The following PKIB variants were observed in gnomAD, a reference collection of about 807,000 sequenced individuals.
The protein encoded by PKIB is cAMP-dependent protein kinase inhibitor beta.
A neutral mutation model predicts 4.5 loss-of-function variants in PKIB; 2 were observed. That is an observed-to-expected ratio of 0.44 (90% CI 0.18 to 1.39). The LOEUF is 1.39. Among genes scored for constraint, PKIB ranks in the 40% most tolerant of loss-of-function variants. The probability of loss-of-function intolerance (pLI) is 0.27; values close to 1 mark genes in which losing one functional copy is unlikely to be tolerated. For synonymous variants in PKIB, 38 were observed against 36.0 expected, an observed-to-expected ratio of 1.06 and a Z score of -0.20; for missense variants, 94 against 92.6, an observed-to-expected ratio of 1.02 and a Z score of -0.06.
At chr6:122,600,563 C>G (rs1278251806) in intron 3 of PKIB, among the ~76,000 whole-genome samples, 1 of 152,046 alleles carries the variant, frequency 6.6e-6, no homozygotes, top group Non-Finnish European at 1.5e-5. Context: ...ATAGAGTATT[C>G]AAAAAGTCAT....
chr6:122,619,924 A>G lies in PKIB; in HGVS notation c.-161+9389A>G, dbSNP rs556446610. Among the ~76,000 whole-genome samples, 7 of 152,264 alleles carry G rather than the reference A, an allele frequency of 4.6e-5. No individual in the cohort carries two copies. The East Asian group carries it at 1.4e-3, about 29-fold the overall frequency. On this transcript the variant is annotated intron_variant, in intron 1 of 4. Coordinates refer to ENST00000368452, the MANE Select transcript of PKIB (RefSeq NM_181795.3). ...CAATAATAATAAATTAATCTATATT[A>G]TTAACTTCCACCTTTTCCCTTAGCC...
At chr6:122,521,540 C>T (rs376295795) in intron 2 of PKIB, among the ~76,000 whole-genome samples, 18 of 151,748 alleles carry the variant, frequency 1.2e-4, no homozygotes, top group African/African-American at 2.9e-4. Flanking sequence ...ATTAGCTGGG[C>T]GTGGTGGTGG....
At chr6:122,653,734 G>C (rs753641916) in intron 2 of PKIB, among the ~76,000 whole-genome samples, 28 of 152,048 alleles carry the variant, frequency 1.8e-4, no homozygotes, top group Admixed American at 7.2e-4. Flanking sequence ...GTCGAGGCGG[G>C]CGGATCATTT....
At chr6:122,527,504 C>T (rs73547234) in intron 2 of PKIB, among the ~76,000 whole-genome samples, 2,120 of 152,056 alleles carry the variant, frequency 0.014, 56 homozygotes, top group African/African-American at 0.049. Flanking sequence ...GACCTAATTT[C>T]GTTATTTTTG....
chr6:122,561,964 T>G (rs1484049102), intron 2 of PKIB, among the ~76,000 whole-genome samples: 2 of 149,930 alleles, frequency 1.3e-5, no homozygotes, highest in African/African-American at 4.9e-5. Flanking sequence ...TGCTCTTTGT[T>G]GCCTGCATAG....
chr6:122,521,462 C>T lies in PKIB; in HGVS notation c.-248+43523C>T, dbSNP rs528646165. On this transcript the variant is annotated intron_variant, in intron 2 of 6. Coordinates refer to the PKIB transcript ENST00000392491. ...TTGGGAGGCTGAGGCAGGCAGATCA[C>T]GAGGTCAGGAGATCGAGACCATCCT... is the stretch of plus-strand genomic sequence containing the variant. Among the ~76,000 whole-genome samples, 33 of 152,118 alleles carry T rather than the reference C, an allele frequency of 2.2e-4. No homozygotes were observed. The East Asian group carries it at 3.9e-3, about 18-fold the overall frequency.
At chr6:122,626,630 A>T (rs1275696799) in intron 1 of PKIB, among the ~76,000 whole-genome samples, 3 of 152,230 alleles carry the variant, frequency 2.0e-5, no homozygotes, top group Non-Finnish European at 4.4e-5. Flanking sequence ...TGCATTCTGG[A>T]CAGATGAAGC....
intron 2 of PKIB, among the ~76,000 whole-genome samples, chr6:122,514,767 G>A (rs544568976): frequency 6.6e-6 from 1 of 152,224 alleles, no homozygotes; most frequent in East Asian, 1.9e-4. Context: ...ACCAGGGGAA[G>A]TGGAAAGGGG....
At chr6:122,522,594 G>C (rs1776978684) in intron 2 of PKIB, among the ~76,000 whole-genome samples, 1 of 152,204 alleles carries the variant, frequency 6.6e-6, no homozygotes, top group Admixed American at 6.5e-5. Flanking sequence ...GGGTTGCAAA[G>C]ACAGTGGGAA....
At chr6:122,531,799 G>C (rs1039284401) in intron 2 of PKIB, among the ~76,000 whole-genome samples, 5 of 152,152 alleles carry the variant, frequency 3.3e-5, no homozygotes, top group African/African-American at 9.7e-5. Context: ...ATTGCTTAAG[G>C]CTGGGAATTT....
chr6:122,557,541 T>C (rs1350709260), intron 2 of PKIB, among the ~76,000 whole-genome samples: 3 of 152,182 alleles, frequency 2.0e-5, no homozygotes, highest in Non-Finnish European at 4.4e-5. Context: ...GGCACACATG[T>C]GAAACAGCAG....
intron 2 of PKIB, among the ~76,000 whole-genome samples, chr6:122,528,877 TA>T (rs2114613161): frequency 6.6e-6 from 1 of 152,060 alleles, no homozygotes; most frequent in East Asian, 1.9e-4. Flanking sequence ...CTTATTTCTT[TA>T]AAAAAGAGAA....
intron 3 of PKIB, among the ~76,000 whole-genome samples, chr6:122,677,604 C>A (rs1008524898): frequency 6.6e-6 from 1 of 152,162 alleles, no homozygotes; most frequent in Non-Finnish European, 1.5e-5. Context: ...ATCCATATGT[C>A]AAGCCCATAA....
chr6:122,545,264 GA>G (rs1271583195), intron 2 of PKIB, among the ~76,000 whole-genome samples: 3 of 151,656 alleles, frequency 2.0e-5, no homozygotes, highest in Admixed American at 2.0e-4. Context: ...TGGACTGGAT[GA>G]AAAAAAATGT....
intron 2 of PKIB, among the ~76,000 whole-genome samples, chr6:122,541,056 T>C (rs1233890578): frequency 6.6e-6 from 1 of 151,554 alleles, no homozygotes; most frequent in Non-Finnish European, 1.5e-5. Context: ...TCCATCCTTT[T>C]ATTTTGAGCC....
chr6:122,472,672 C>T (rs1336064650), intron 1 of PKIB, among the ~76,000 whole-genome samples: 3 of 152,096 alleles, frequency 2.0e-5, no homozygotes, highest in African/African-American at 4.8e-5. Context: ...TTGCATGGGT[C>T]GAGGTGGGGT....
At chr6:122,685,485 G>T (rs889144840) in intron 3 of PKIB, among the ~76,000 whole-genome samples, 4 of 151,998 alleles carry the variant, frequency 2.6e-5, no homozygotes, top group Admixed American at 6.6e-5. Flanking sequence ...AACTGGGCTA[G>T]CTTTTTAAAA....
At chr6:122,562,256 T>C (rs1773058794) in intron 2 of PKIB, among the ~76,000 whole-genome samples, 1 of 151,862 alleles carries the variant, frequency 6.6e-6, no homozygotes, top group African/African-American at 2.4e-5. Context: ...CTGATAATTG[T>C]TTTGTTTGAG....
intron 3 of PKIB, among the ~76,000 whole-genome samples, chr6:122,696,451 A>C (rs546135629): frequency 2.0e-5 from 3 of 152,314 alleles, no homozygotes; most frequent in African/African-American, 7.2e-5. Flanking sequence ...GGAACATCCA[A>C]ATGTAAAGAG....
Sources: allele counts gnomAD v4.1 joint callset (sites outside exome capture counted in the v4.1 genomes callset), GRCh38; gene constraint gnomAD v4.1.1; transcripts MANE v1.5; gene names NCBI Gene and HGNC (gene_info 2026-07-23, HGNC 2026-07-21).